RNLS: variants seen among roughly 807,000 people sequenced by gnomAD.
RNLS encodes renalase, FAD dependent amine oxidase.
Under a neutral mutation model 39.8 loss-of-function variants are expected in RNLS, and 39 were observed. That is an observed-to-expected ratio of 0.98 (90% CI 0.76 to 1.28). RNLS has a LOEUF of 1.28. Among genes scored for constraint, RNLS ranks in the 50% most tolerant of loss-of-function variants. RNLS has a pLI of 0.00. For missense variants in RNLS, 410 were observed against 413.3 expected (o/e 0.99, Z 0.07); for synonymous variants, 147 against 150.7 (o/e 0.98, Z 0.18).
At chr10:88,245,115 A>G in the RNLS span, among the ~76,000 whole-genome samples, 1 of 152,250 alleles carries the variant, frequency 6.6e-6, no homozygotes, top group East Asian at 1.9e-4. Flanking sequence ...CAAATACTTT[A>G]AAATTTCAGA....
At position 88,322,380 on chromosome 10, in the gene RNLS, GT is replaced by G. The variant is rs929071751; in HGVS notation, c.701-7740del. Among the ~76,000 whole-genome samples, 5 of 152,230 alleles carry G rather than the reference GT, an allele frequency of 3.3e-5. No homozygotes were observed. The East Asian group carries it at 7.7e-4, about 23-fold the overall frequency. ...TTCCCCGATATGGTTTGGGCTCTGT[GT>G]CCCCAACCAAATCTAATCTCAAATT... On this transcript the variant is annotated intron_variant, in intron 5 of 6. Transcript: ENST00000331772.
intron 4 of RNLS, among the ~76,000 whole-genome samples, chr10:88,365,118 C>A (rs537398026): frequency 6.6e-6 from 1 of 151,860 alleles, no homozygotes; most frequent in Admixed American, 6.6e-5. Context: ...TATATAGAAA[C>A]AGCAATTAAC....
At chr10:88,227,539 CAG>C in the RNLS span, among the ~76,000 whole-genome samples, 110 of 152,264 alleles carry the variant, frequency 7.2e-4, 3 homozygotes, top group East Asian at 0.02. Flanking sequence ...AGTGCACTCA[CAG>C]AGAGAGCACA....
At chr10:88,575,124 GTATATATATATA>G (rs1174268534) in intron 3 of RNLS, among the ~76,000 whole-genome samples, 9 of 98,910 alleles carry the variant, frequency 9.1e-5, no homozygotes, top group South Asian at 7.2e-4. Flanking sequence ...GTTCTGCAAA[GTATATATATATA>G]TATATATATA....
chr10:88,383,680 A>G (rs1206676012), intron 4 of RNLS, among the ~76,000 whole-genome samples: 2 of 152,186 alleles, frequency 1.3e-5, no homozygotes, highest in Non-Finnish European at 2.9e-5. Flanking sequence ...AATTGGAAGT[A>G]ATTAATATAA....
At chr10:88,309,608 T>C in intron 6 of RNLS, 1 of 465,430 alleles carries the variant, frequency 2.1e-6, no homozygotes, top group South Asian at 1.7e-5. Context: ...AAATGGAAAC[T>C]TTGTATTGAA....
At chr10:88,568,994 C>T (rs185376710) in intron 4 of RNLS, among the ~76,000 whole-genome samples, 1 of 152,162 alleles carries the variant, frequency 6.6e-6, no homozygotes, top group Non-Finnish European at 1.5e-5. Context: ...TGTGTTTTAA[C>T]AAGTCTTCCA....
chr10:88,438,760 A>G (rs1841551806), intron 4 of RNLS, among the ~76,000 whole-genome samples: 1 of 152,182 alleles, frequency 6.6e-6, no homozygotes, highest in Admixed American at 6.5e-5. Flanking sequence ...GTCTACTGGA[A>G]ACTTTGGTTG....
the RNLS span, among the ~76,000 whole-genome samples, chr10:88,212,548 G>A: frequency 6.6e-6 from 1 of 152,124 alleles, no homozygotes; most frequent in African/African-American, 2.4e-5. Flanking sequence ...TTAAGTGTCT[G>A]TTATGCCGTA....
At chr10:88,245,597 T>C in the RNLS span, among the ~76,000 whole-genome samples, 1 of 152,222 alleles carries the variant, frequency 6.6e-6, no homozygotes, top group South Asian at 2.1e-4. Flanking sequence ...GCTGGGCTAG[T>C]TGTGTGTTAT....
chr10:88,228,277 G>A, the RNLS span, among the ~76,000 whole-genome samples: 1 of 152,140 alleles, frequency 6.6e-6, no homozygotes. Flanking sequence ...ACAGAAGATT[G>A]GGTGGCTTTT....
intron 4 of RNLS, among the ~76,000 whole-genome samples, chr10:88,369,526 C>T (rs1262835477): frequency 6.6e-6 from 1 of 152,108 alleles, no homozygotes; most frequent in African/African-American, 2.4e-5. Context: ...TCCCCTGGTT[C>T]CAACTCTCAT....
At chr10:88,545,384 C>T (rs1208560234) in intron 4 of RNLS, 11 of 449,630 alleles carry the variant, frequency 2.4e-5, no homozygotes, top group Non-Finnish European at 1.3e-5. Context: ...GTTTAATGGA[C>T]TCACAGTTCC....
At chr10:88,463,450 A>T (rs1353727434) in intron 4 of RNLS, among the ~76,000 whole-genome samples, 1 of 152,084 alleles carries the variant, frequency 6.6e-6, no homozygotes, top group African/African-American at 2.4e-5. Flanking sequence ...GAAGACTTCT[A>T]GCCTGCAGAG....
At chr10:88,516,353 A>C (rs1231209846) in intron 4 of RNLS, among the ~76,000 whole-genome samples, 2 of 152,098 alleles carry the variant, frequency 1.3e-5, no homozygotes, top group Admixed American at 1.3e-4. Context: ...TTTTCCATTC[A>C]GGACAAAGAG....
At chr10:88,366,855 T>TAA (rs1465309324) in intron 4 of RNLS, among the ~76,000 whole-genome samples, 1 of 151,640 alleles carries the variant, frequency 6.6e-6, no homozygotes, top group Non-Finnish European at 1.5e-5. Context: ...CCCGCTCAAG[T>TAA]TGCCTTACAA....
At chr10:88,262,189 A>C in the RNLS span, among the ~76,000 whole-genome samples, 3 of 151,962 alleles carry the variant, frequency 2.0e-5, no homozygotes, top group Non-Finnish European at 4.4e-5. Flanking sequence ...CATAGACAGG[A>C]ATTTTTTTTT....
chr10:88,527,575 A>C (rs1847179689), intron 4 of RNLS, among the ~76,000 whole-genome samples: 1 of 152,190 alleles, frequency 6.6e-6, no homozygotes. Context: ...AGCCATATAG[A>C]TTAATTGTAA....
intron 4 of RNLS, among the ~76,000 whole-genome samples, chr10:88,533,669 A>G (rs900709770): frequency 6.6e-6 from 1 of 152,112 alleles, no homozygotes; most frequent in African/African-American, 2.4e-5. Context: ...AAGGGCTTCT[A>G]TAGAAGTGCA....
Sources: allele counts gnomAD v4.1 joint callset (sites outside exome capture counted in the v4.1 genomes callset), GRCh38; gene constraint gnomAD v4.1.1; transcripts MANE v1.5; gene names NCBI Gene and HGNC (gene_info 2026-07-23, HGNC 2026-07-21).